Variants in PKD2 observed in about 807,000 individuals in gnomAD.
PKD2 encodes the protein polycystin 2, transient receptor potential cation channel, also known as polycystin-2.
In PKD2, 48 loss-of-function variants were observed where a neutral mutation model predicts 105.9. The observed-to-expected ratio is 0.45, with a 90% CI of 0.36 to 0.58. PKD2 has a LOEUF of 0.58. PKD2 is among the 20% of genes least tolerant of loss of function. PKD2 has a pLI of 0.00. For missense variants in PKD2, 1,078 were observed against 1,255.3 expected, an observed-to-expected ratio of 0.86 and a Z score of 2.13; for synonymous variants, 464 against 481.1, an observed-to-expected ratio of 0.96 and a Z score of 0.46.
chr4:88,065,755 AT>A lies in PKD2; in HGVS notation c.2241-4del. 6.9e-6 allele frequency: 11 copies of A among 1,587,504 alleles called. No individual in the cohort carries two copies. Among genetic ancestry groups the A allele is most frequent in the Non-Finnish European group, 9.5e-6 (11 of 1,155,790 alleles). ...GATTTTTATCTGTATCCTCTCTCTA[AT>A]TTCAGGAAGGGCCATACTGATGCAG... On this transcript the variant is annotated splice_polypyrimidine_tract_variant and splice_region_variant and intron_variant, in intron 11 of 14. Transcript: ENST00000237596.
At chr4:88,052,522 A>G (rs1025468562) in intron 7 of PKD2, among the ~76,000 whole-genome samples, 3 of 152,096 alleles carry the variant, frequency 2.0e-5, no homozygotes, top group Non-Finnish European at 4.4e-5. Flanking sequence ...CTCCCACCTC[A>G]GCCTCCCAAA....
intron 2 of PKD2, among the ~76,000 whole-genome samples, chr4:88,020,533 A>C (rs1008057011): frequency 2.0e-5 from 3 of 152,118 alleles, no homozygotes; most frequent in African/African-American, 7.2e-5. Context: ...AAAGTCCAGA[A>C]AGCCACAGGT....
intron 2 of PKD2, among the ~76,000 whole-genome samples, chr4:88,024,537 A>G (rs954354416): frequency 9.3e-5 from 14 of 151,184 alleles, no homozygotes; most frequent in African/African-American, 3.2e-4. Context: ...CAAGGAAGGT[A>G]TTTGGTGAAT....
rs60055635 is a variant in PKD2, at chr4:88,061,737, CAA to C, written c.2020-159_2020-158del. Among the ~76,000 whole-genome samples the C allele has an allele frequency of 5.6e-5, 8 of 142,338 alleles. No individual in the cohort carries two copies. The East Asian group carries it at 1.4e-3, about 25-fold the overall frequency. The allele number at this position is 142,338 out of a possible 152,430, so 93.4% of individuals were successfully genotyped here. ...TGGGCAACACAGTGAGACTCTGTCT[CAA>C]AAAAAAAAATTTTTTTTTAAATAAA... On this transcript the variant is annotated intron_variant, in intron 9 of 14. Coordinates refer to ENST00000237596, the MANE Select transcript of PKD2 (RefSeq NM_000297.4).
chr4:88,054,423 A>G (rs1398426197), intron 7 of PKD2, among the ~76,000 whole-genome samples: 6 of 151,844 alleles, frequency 4.0e-5, no homozygotes, highest in Non-Finnish European at 7.4e-5. Context: ...AAAGATCTCA[A>G]ATGAATTGGG....
rs2110104722 is a variant in PKD2 at position 88,036,218 on chromosome 4, A to G, written c.710-2A>G. On this transcript the variant is annotated splice_acceptor_variant, in intron 2 of 14. Transcript: ENST00000237596. LOFTEE classifies it high-confidence loss of function. ...GTTCATTTGGATCTTTCTGTGTTCC[A>G]GTGACCTACGGCATGATGAGCTCCA... 6.2e-7 allele frequency: 1 copy of G among 1,613,814 alleles called. No individual in the cohort carries two copies. The highest frequency in any genetic ancestry group is 8.5e-7 in the Non-Finnish European group (1 of 1,179,774).
At chr4:88,050,076 G>A (rs543633688) in intron 6 of PKD2, among the ~76,000 whole-genome samples, 15 of 147,986 alleles carry the variant, frequency 1.0e-4, no homozygotes, top group African/African-American at 3.8e-4. Flanking sequence ...CCGGGTTCAC[G>A]CCATTCTCCC....
At chr4:88,066,058 A>G (rs111444581) in intron 12 of PKD2, among the ~76,000 whole-genome samples, 179 bp downstream of exon 12, 1 of 152,230 alleles carries the variant, frequency 6.6e-6, no homozygotes, top group African/African-American at 2.4e-5. Flanking sequence ...ATATAACACA[A>G]TTATGTATAA....
intron 2 of PKD2, among the ~76,000 whole-genome samples, chr4:88,024,431 T>C (rs1726874817): frequency 8.8e-6 from 1 of 113,440 alleles, no homozygotes; most frequent in Admixed American, 1.3e-4. Context: ...CACTCCAGCC[T>C]GGGCAATAGA....
Position 88,075,959 on chromosome 4 carries a change from C to T in PKD2, c.*265C>T. Reference sequence around the variant, plus strand: ...CATGATGTGTATTGAGCGGTACGCCCAGTTGCCACCATGACTGAGTCTTCT... The same window carrying T: ...CATGATGTGTATTGAGCGGTACGCCTAGTTGCCACCATGACTGAGTCTTCT... On this transcript the variant is annotated 3_prime_UTR_variant, in exon 15 of 15. Transcript: ENST00000237596. 1 of 413,608 alleles carries T rather than the reference C, an allele frequency of 2.4e-6. No individual in the cohort carries two copies. Among genetic ancestry groups the T allele is most frequent in the African/African-American group, 2.0e-5 (1 of 49,676 alleles). 25.6% of individuals were successfully genotyped at this position (413,608 alleles called of 1,614,324 possible). A position where few individuals can be genotyped will look rare whatever the true frequency, so the allele number is the denominator to read the frequency against.
At chr4:88,014,206 A>G (rs1726483724) in intron 1 of PKD2, among the ~76,000 whole-genome samples, 1 of 152,246 alleles carries the variant, frequency 6.6e-6, no homozygotes, top group Non-Finnish European at 1.5e-5. Context: ...CTGGCATGGT[A>G]CCATTAACCC....
At chr4:88,030,807 T>G (rs1727119904) in intron 2 of PKD2, among the ~76,000 whole-genome samples, 1 of 152,258 alleles carries the variant, frequency 6.6e-6, no homozygotes, top group Non-Finnish European at 1.5e-5. Context: ...TGCCGACACC[T>G]GGAGAGTCTC....
Position 88,070,041 on chromosome 4 carries a change from A to C in PKD2, c.2522+1980A>C, listed in dbSNP as rs28657622. Among the ~76,000 whole-genome samples the C allele has an allele frequency of 7.1e-3, 1,080 of 152,302 alleles. 6 individuals are homozygous for C. Among genetic ancestry groups the C allele is most frequent in the African/African-American group, 0.025 (1,038 of 41,566 alleles). On this transcript the variant is annotated intron_variant, in intron 13 of 14. Coordinates refer to ENST00000237596, the MANE Select transcript of PKD2 (RefSeq NM_000297.4). ...CCTTTTCATGTGGATTCTGATTACT[A>C]TCTGGAGTCACTTGCTTTCAGCATA...
At chr4:88,051,969 A>G in intron 6 of PKD2, 22 bp from the exon 7 acceptor site, 2 of 1,370,600 alleles carry the variant, frequency 1.5e-6, no homozygotes, top group Non-Finnish European at 2.1e-6. Flanking sequence ...CTGTAATAAA[A>G]TATAAATATT....
At chr4:88,036,546 G>A in intron 3 of PKD2, 193 bp downstream of exon 3, 1 of 356,574 alleles carries the variant, frequency 2.8e-6, no homozygotes, top group African/African-American at 2.2e-5. Flanking sequence ...AACTTTGCCT[G>A]TGCCTTGCAC....
rs781451087 is a variant in PKD2, at chr4:88,011,516, C to T, written c.595+3188C>T. ...TGGAATAATGAATGAAATAATAAGT[C>T]GACTCTTATTTCTCCTAAAATAATT... On this transcript the variant is annotated intron_variant, in intron 1 of 14. Coordinates refer to ENST00000237596, the MANE Select transcript of PKD2 (RefSeq NM_000297.4). 3.3e-5 allele frequency among the ~76,000 whole-genome samples: 5 copies of T among 151,898 alleles called. No individual in the cohort carries two copies. In the South Asian group the frequency reaches 6.2e-4, roughly 19 times the overall value.
intron 1 of PKD2, among the ~76,000 whole-genome samples, chr4:88,018,700 C>T (rs1726645656): frequency 6.6e-6 from 1 of 152,222 alleles, no homozygotes; most frequent in Admixed American, 6.5e-5. Flanking sequence ...GTTACGTCAT[C>T]TTCACTCAGC....
chr4:88,063,335 C>T (rs1318754240), intron 10 of PKD2, among the ~76,000 whole-genome samples: 1 of 152,044 alleles, frequency 6.6e-6, no homozygotes, highest in Non-Finnish European at 1.5e-5. Context: ...AGTTCGAAAC[C>T]AGCCTGGCCA....
chr4:88,055,576 C>T (rs552160618), intron 7 of PKD2, among the ~76,000 whole-genome samples: 3 of 151,258 alleles, frequency 2.0e-5, no homozygotes, highest in Admixed American at 6.6e-5. Flanking sequence ...TGGGCTCAAG[C>T]GATCCTCCTG....
Sources: allele counts gnomAD v4.1 joint callset (sites outside exome capture counted in the v4.1 genomes callset), GRCh38; gene constraint gnomAD v4.1.1; transcripts MANE v1.5; gene names NCBI Gene and HGNC (gene_info 2026-07-23, HGNC 2026-07-21).